ZNF124: variants seen among roughly 807,000 people sequenced by gnomAD.
ZNF124 encodes the protein zinc finger protein HZF-16.
Under a neutral mutation model 26.6 loss-of-function variants are expected in ZNF124, and 25 were observed. That is an observed-to-expected ratio of 0.94 (90% CI 0.68 to 1.31). The LOEUF is 1.31. Among genes scored for constraint, ZNF124 ranks in the 40% most tolerant of loss-of-function variants. The probability of loss-of-function intolerance (pLI) is 0.00; values close to 1 mark genes in which losing one functional copy is unlikely to be tolerated. For missense variants in ZNF124, 444 were observed against 422.2 expected, an observed-to-expected ratio of 1.05 and a Z score of -0.45; for synonymous variants, 129 against 133.3, an observed-to-expected ratio of 0.97 and a Z score of 0.22.
intron 1 of ZNF124, among the ~76,000 whole-genome samples, chr1:247,161,162 C>T (rs946425702): frequency 6.6e-6 from 1 of 152,146 alleles, no homozygotes; most frequent in African/African-American, 2.4e-5. Context: ...GATGGTTTGC[C>T]TAATACACAT....
At chr1:247,128,612 G>A (rs1374607297) in intron 3 of ZNF124, among the ~76,000 whole-genome samples, 3 of 151,156 alleles carry the variant, frequency 2.0e-5, no homozygotes, top group Non-Finnish European at 4.4e-5. Flanking sequence ...TAATCCACTA[G>A]GACTTAGATT....
downstream of ZNF124, among the ~76,000 whole-genome samples, chr1:247,151,841 G>A (rs955894700): frequency 9.8e-6 from 1 of 101,698 alleles, no homozygotes; most frequent in Non-Finnish European, 2.3e-5. Context: ...AAAACAACAT[G>A]CAGAATTACC....
chr1:247,124,285 C>A (rs546260763), intron 3 of ZNF124, among the ~76,000 whole-genome samples: 12 of 151,768 alleles, frequency 7.9e-5, no homozygotes, highest in African/African-American at 2.7e-4. Flanking sequence ...CTCACTGCAA[C>A]CTCCACCTCC....
intron 3 of ZNF124, among the ~76,000 whole-genome samples, chr1:247,142,009 C>T (rs1466498030): frequency 1.3e-5 from 2 of 152,202 alleles, no homozygotes; most frequent in South Asian, 2.1e-4. Context: ...GGCCTGGGTT[C>T]CCTGCTGAGG....
intron 3 of ZNF124, among the ~76,000 whole-genome samples, chr1:247,135,547 A>C (rs558651153): frequency 8.5e-5 from 13 of 152,338 alleles, no homozygotes; most frequent in South Asian, 4.1e-4. Flanking sequence ...ATAGCCTACC[A>C]ATCAAAAAAA....
intron 3 of ZNF124, among the ~76,000 whole-genome samples, chr1:247,143,596 A>G (rs921842614): frequency 2.6e-5 from 4 of 152,236 alleles, no homozygotes; most frequent in Non-Finnish European, 4.4e-5. Context: ...CAGCTTCTCT[A>G]GAAGTACAAT....
At chr1:247,124,032 G>A (rs1672146258) in intron 3 of ZNF124, among the ~76,000 whole-genome samples, 1 of 148,694 alleles carries the variant, frequency 6.7e-6, no homozygotes, top group South Asian at 2.1e-4. Flanking sequence ...GTTTCACCGT[G>A]TTAGCCAGGA....
chr1:247,127,829 G>C (rs1186719634), intron 3 of ZNF124, among the ~76,000 whole-genome samples: 2 of 149,518 alleles, frequency 1.3e-5, no homozygotes, highest in African/African-American at 2.4e-5. Context: ...CGTGAGTCTT[G>C]CCAAAGCTTC....
Position 247,155,912 on chromosome 1 carries a change from A to G in ZNF124, c.*654T>C. On this transcript the variant is annotated 3_prime_UTR_variant, in exon 4 of 4. Transcript: ENST00000543802. ...AATTTTTTTTTTTTCAAAAGAAGTG[A>G]AAATCTATATTCTAGAGACTCTCTT... The G allele has an allele frequency of 1.1e-6, 1 of 919,562 alleles. No individual in the cohort carries two copies. Among genetic ancestry groups the G allele is most frequent in the Non-Finnish European group, 1.3e-6 (1 of 771,228 alleles). 57.0% of individuals were successfully genotyped at this position (919,562 alleles called of 1,614,324 possible).
chr1:247,163,491 CA>C (rs1208871293), intron 1 of ZNF124, among the ~76,000 whole-genome samples: 1 of 150,986 alleles, frequency 6.6e-6, no homozygotes, highest in Non-Finnish European at 1.5e-5. Context: ...AAAAATCCCT[CA>C]GAGGCTATTA....
intron 3 of ZNF124, among the ~76,000 whole-genome samples, chr1:247,147,656 C>A (rs750818893): frequency 5.9e-5 from 9 of 152,298 alleles, no homozygotes; most frequent in Non-Finnish European, 1.3e-4. Flanking sequence ...GCAGGGTGAA[C>A]ATTTTGCATA....
intron 1 of ZNF124, among the ~76,000 whole-genome samples, chr1:247,165,133 A>T (rs1211948588): frequency 6.6e-6 from 1 of 152,038 alleles, no homozygotes; most frequent in Non-Finnish European, 1.5e-5. Flanking sequence ...CGCCCTGCTA[A>T]TTTTTTGTAT....
chr1:247,157,658 T>C (rs1370776395), intron 3 of ZNF124, among the ~76,000 whole-genome samples: 8 of 152,224 alleles, frequency 5.3e-5, no homozygotes, highest in East Asian at 1.9e-4. Context: ...TCAGAGAAAG[T>C]GCAGGTTTTC....
chr1:247,167,421 G>T (rs919423897), intron 1 of ZNF124, among the ~76,000 whole-genome samples: 3 of 152,174 alleles, frequency 2.0e-5, no homozygotes, highest in Non-Finnish European at 4.4e-5. Context: ...GTTAATTTTT[G>T]TAATTCACCA....
In ZNF124 at chr1:247,126,422, G is replaced by A. The variant is rs541634846; in HGVS notation, c.219-2551C>T. ...AAAACCCGAGGCGGCTTCCGGGTGT[G>A]CCCGGCCTTTGTCTCTCGTGCCCGC... On this transcript the variant is annotated intron_variant, in intron 3 of 3. Coordinates refer to the ZNF124 transcript ENST00000472531. 5.2e-3 allele frequency among the ~76,000 whole-genome samples: 184 copies of A among 35,586 alleles called. 2 individuals are homozygous for A. Among genetic ancestry groups the A allele is most frequent in the Middle Eastern group, 0.012 (2 of 166 alleles). The allele number at this position is 35,586 out of a possible 152,430, so 23.3% of individuals were successfully genotyped here. A position where few individuals can be genotyped will look rare whatever the true frequency, so the allele number is the denominator to read the frequency against.
At chr1:247,151,489 A>AC (rs1175899511), downstream of ZNF124, among the ~76,000 whole-genome samples, 3 of 151,970 alleles carry the variant, frequency 2.0e-5, no homozygotes, top group African/African-American at 7.3e-5. Context: ...AAAAAAAAAA[A>AC]AAAAAACCAT....
At chr1:247,163,049 CAACAA>C (rs1018713527) in intron 1 of ZNF124, among the ~76,000 whole-genome samples, 10 of 152,070 alleles carry the variant, frequency 6.6e-5, no homozygotes, top group African/African-American at 2.4e-4. Context: ...AAACAATCCT[CAACAA>C]ATCAAAAGAA....
chr1:247,157,247 T>C lies in ZNF124; in HGVS notation c.375A>G (p.Thr125=). The C allele has an allele frequency of 1.2e-6, 2 of 1,614,004 alleles. No homozygotes were observed. The highest frequency in any genetic ancestry group is 1.7e-6 in the Non-Finnish European group (2 of 1,179,902). The change falls in exon 4 of 4, where the codon ACA becomes ACG. Residue 125 remains threonine, a synonymous_variant. Coordinates refer to ENST00000543802, the MANE Select transcript of ZNF124 (RefSeq NM_001297568.2). ...GAATATTAAAAACTTTCTCACATAT[T>C]GTACAACCATAATGTCCATTTCCAG... The part of the protein sequence containing the change: ...MHTGNGHYGC[T]ICEKVFNIPS...
chr1:247,163,705 T>C (rs1304316166), intron 1 of ZNF124, among the ~76,000 whole-genome samples: 1 of 152,164 alleles, frequency 6.6e-6, no homozygotes, highest in Non-Finnish European at 1.5e-5. Flanking sequence ...CTACCAGATG[T>C]ATTAAGAAGA....
Sources: allele counts gnomAD v4.1 joint callset (sites outside exome capture counted in the v4.1 genomes callset), GRCh38; gene constraint gnomAD v4.1.1; transcripts MANE v1.5; gene names NCBI Gene and HGNC (gene_info 2026-07-23, HGNC 2026-07-21).